The following MGAT1 variants were observed in gnomAD, a reference collection of about 807,000 sequenced individuals.
MGAT1 encodes alpha-1,3-mannosyl-glycoprotein 2-beta-N-acetylglucosaminyltransferase, also known as N-glycosyl-oligosaccharide-glycoprotein N-acetylglucosaminyltransferase I.
In MGAT1, 14 loss-of-function variants were observed where a neutral mutation model predicts 31.7. That is an observed-to-expected ratio of 0.44 (90% CI 0.29 to 0.69). The LOEUF (loss-of-function observed/expected upper bound fraction) is 0.69, where lower values mean the gene tolerates loss of function less well. Ranked by LOEUF, MGAT1 falls within the 30% of genes least tolerant of loss-of-function variation. The pLI is 0.12. For synonymous variants in MGAT1, 338 were observed against 276.0 expected (o/e 1.22, Z -2.23); for missense variants, 557 against 626.0 (o/e 0.89, Z 1.18).
intron 1 of MGAT1, among the ~76,000 whole-genome samples, chr5:180,813,912 T>A (rs1772711695): frequency 1.3e-5 from 2 of 152,154 alleles, no homozygotes; most frequent in Admixed American, 1.3e-4. Flanking sequence ...CTACCTACAG[T>A]CCCCACCAAA....
rs762037486 is a variant in MGAT1, at chr5:180,792,091, C to T, written c.881G>A (p.Arg294Gln). 6.8e-6 allele frequency: 11 copies of T among 1,613,184 alleles called. No individual in the cohort carries two copies. The highest frequency in any genetic ancestry group is 4.5e-5 in the East Asian group (2 of 44,886). The change falls in exon 2 of 2, where the codon CGG becomes CAG. Residue 294 changes from arginine to glutamine, a missense_variant. Transcript: ENST00000307826. ...PKAFWDDWMRRPEQRQGRACI... is the reference protein window; with the variant it reads ...PKAFWDDWMRQPEQRQGRACI... ...GGCCCGCCCCTGCCGCTGCTCCGGCCGCCGCATCCAGTCGTCCCAGAAGGC... is the reference window on the plus strand; with the variant it reads ...GGCCCGCCCCTGCCGCTGCTCCGGCTGCCGCATCCAGTCGTCCCAGAAGGC...
At chr5:180,793,842 GAAATAAACTT>G (rs1251613212) in intron 1 of MGAT1, among the ~76,000 whole-genome samples, 15 of 152,058 alleles carry the variant, frequency 9.9e-5, no homozygotes, top group Non-Finnish European at 1.6e-4. Context: ...AAAATATTTA[GAAATAAACTT>G]AAATAAACTT....
At chr5:180,796,172 C>A (rs1226666997) in intron 1 of MGAT1, among the ~76,000 whole-genome samples, 2 of 152,166 alleles carry the variant, frequency 1.3e-5, no homozygotes, top group East Asian at 3.8e-4. Flanking sequence ...AGGCTCTGGG[C>A]TCTCAAACCA....
chr5:180,795,577 T>A (rs1769183245), intron 1 of MGAT1: 1 of 152,160 alleles, frequency 6.6e-6, no homozygotes, highest in African/African-American at 2.4e-5. Context: ...AAACATACTC[T>A]GCACACATAG....
chr5:180,791,835 C>T lies in MGAT1; in HGVS notation c.1137G>A (p.Lys379=), dbSNP rs774984157. 2 of 1,614,262 alleles carry T rather than the reference C, an allele frequency of 1.2e-6. No individual in the cohort carries two copies. Among genetic ancestry groups the T allele is most frequent in the South Asian group, 2.2e-5 (2 of 91,088 alleles). The change falls in exon 2 of 2, where the codon AAG becomes AAA. Residue 379 remains lysine, a synonymous_variant. Transcript: ENST00000307826. ...QVEKVRTNDR[K]ELGEVRVQYT... ...ACTGCACCCGCACCTCCCCCAGCTC[C>T]TTCCGGTCATTGGTCCTCACTTTCT...
intron 1 of MGAT1, among the ~76,000 whole-genome samples, chr5:180,813,669 G>A (rs1300496495): frequency 1.3e-5 from 2 of 152,202 alleles, no homozygotes; most frequent in Non-Finnish European, 2.9e-5. Flanking sequence ...GTCATTTGGT[G>A]TGGGGTGGCC....
At chr5:180,811,075 C>T (rs1263416310) in intron 1 of MGAT1, 1 of 152,238 alleles carries the variant, frequency 6.6e-6, no homozygotes, top group South Asian at 2.1e-4. Flanking sequence ...CACGCTGAAT[C>T]CAGGGGAGCC....
intron 1 of MGAT1, among the ~76,000 whole-genome samples, chr5:180,801,009 T>C (rs1770651913): frequency 6.6e-6 from 1 of 152,194 alleles, no homozygotes; most frequent in Admixed American, 6.5e-5. Flanking sequence ...ATCTGCACCA[T>C]GGTGGGAGAT....
intron 1 of MGAT1, among the ~76,000 whole-genome samples, chr5:180,812,657 C>T (rs556586396): frequency 1.3e-5 from 2 of 152,072 alleles, no homozygotes; most frequent in South Asian, 2.1e-4. Flanking sequence ...TTCTATAATT[C>T]GAGTCAATTT....
At chr5:180,799,282 C>T (rs1770175979) in intron 1 of MGAT1, among the ~76,000 whole-genome samples, 1 of 152,190 alleles carries the variant, frequency 6.6e-6, no homozygotes, top group African/African-American at 2.4e-5. Flanking sequence ...GCACTCTGGC[C>T]TCAGCAGGCT....
chr5:180,814,539 C>T (rs1359018453), intron 1 of MGAT1, among the ~76,000 whole-genome samples: 4 of 152,218 alleles, frequency 2.6e-5, no homozygotes, highest in Admixed American at 2.6e-4. Context: ...GCCCTTGTGT[C>T]TTCTCATTTT....
chr5:180,812,256 G>A lies in MGAT1; in HGVS notation c.-546+3158C>T, dbSNP rs546286923. 6.7e-4 allele frequency among the ~76,000 whole-genome samples: 102 copies of A among 152,310 alleles called. 2 individuals are homozygous for A. Among genetic ancestry groups the A allele is most frequent in the African/African-American group, 6.0e-4 (25 of 41,562 alleles). ...ATGAACTTGAAAAGCTACTTTCACC[G>A]CAGAGTATTCCCCTTCGGGCTTCTC... On this transcript the variant is annotated intron_variant, in intron 1 of 2. Transcript: ENST00000333055.
chr5:180,792,888 G>C lies in MGAT1; in HGVS notation c.84C>G (p.Phe28Leu), dbSNP rs771614172. 1 of 1,604,152 alleles carries C rather than the reference G, an allele frequency of 6.2e-7. No individual in the cohort carries two copies. Among genetic ancestry groups the C allele is most frequent in the African/African-American group, 1.3e-5 (1 of 74,782 alleles). ...VAWNALLLLFFWTRPAPGRPP... is the reference protein window; with the variant it reads ...VAWNALLLLFLWTRPAPGRPP... ...GCCTGCCAGGTGCTGGGCGCGTCCA[G>C]AAGAAGAGGAGCAGCAGGGCATTCC... The change falls in exon 2 of 2, where the codon TTC becomes TTG. Residue 28 changes from phenylalanine (F) to leucine (L), a missense_variant. Transcript: ENST00000307826.
In MGAT1 at chr5:180,794,411, T is replaced by TTTTTTATATATATA. The variant is rs528893463; in HGVS notation, c.-126-1315_-126-1314insTATATATATAAAAA. 6.8e-3 allele frequency among the ~76,000 whole-genome samples: 960 copies of TTTTTTATATATATA among 142,016 alleles called. 8 individuals carry two copies. The highest frequency in any genetic ancestry group is 0.03 in the East Asian group (153 of 5,030). 93.2% of individuals were successfully genotyped at this position (142,016 alleles called of 152,430 possible). A position where few individuals can be genotyped will look rare whatever the true frequency, so the allele number is the denominator to read the frequency against. On this transcript the variant is annotated intron_variant, in intron 1 of 1. Transcript: ENST00000307826. ...TCTGTCTCAAAAAAATTTTTTTTTATTATATATATATATATATGGCATACT... is the reference window on the plus strand; with the variant it reads ...TCTGTCTCAAAAAAATTTTTTTTTATTTTTTATATATATATATATATATATATATATGGCATACT...
chr5:180,807,123 G>GA (rs1771980403), upstream of MGAT1, among the ~76,000 whole-genome samples: 1 of 152,168 alleles, frequency 6.6e-6, no homozygotes, highest in African/African-American at 2.4e-5. Context: ...GGGGATGGAA[G>GA]AAAAAAATTT....
intron 1 of MGAT1, among the ~76,000 whole-genome samples, chr5:180,811,893 C>G (rs912359271): frequency 6.6e-6 from 1 of 152,236 alleles, no homozygotes; most frequent in Non-Finnish European, 1.5e-5. Flanking sequence ...TTGTAAAACA[C>G]CCCTTCCAGG....
At chr5:180,799,138 T>G (rs1052874052) in intron 1 of MGAT1, among the ~76,000 whole-genome samples, 5 of 152,170 alleles carry the variant, frequency 3.3e-5, no homozygotes, top group Non-Finnish European at 4.4e-5. Flanking sequence ...TAACTTGCTT[T>G]AAAAACCATC....
Position 180,784,862 on chromosome 5 carries a change from A to T in MGAT1, c.*6772T>A, listed in dbSNP as rs1472139848. 1 of 152,272 alleles carries T rather than the reference A, an allele frequency of 6.6e-6. No homozygotes were observed. Among genetic ancestry groups the T allele is most frequent in the Non-Finnish European group, 1.5e-5 (1 of 68,052 alleles). The allele number at this position is 152,272 out of a possible 1,614,324, so 9.4% of individuals were successfully genotyped here. On this transcript the variant is annotated 3_prime_UTR_variant, in exon 2 of 2. Transcript: ENST00000307826. Reference sequence around the variant, plus strand: ...ATAAGCACATATTACTTATATACGAAAAAAGTTATTTAAAAAACAATATTC... The same window carrying T: ...ATAAGCACATATTACTTATATACGATAAAAGTTATTTAAAAAACAATATTC...
chr5:180,788,493 C>A lies in MGAT1; in HGVS notation c.*3141G>T, dbSNP rs1018855585. The A allele has an allele frequency of 2.0e-5, 3 of 152,334 alleles. No homozygotes were observed. The highest frequency in any genetic ancestry group is 7.2e-5 in the African/African-American group (3 of 41,468). The allele number at this position is 152,334 out of a possible 1,614,324, so 9.4% of individuals were successfully genotyped here. A position where few individuals can be genotyped will look rare whatever the true frequency, so the allele number is the denominator to read the frequency against. On this transcript the variant is annotated 3_prime_UTR_variant, in exon 2 of 2. Coordinates refer to ENST00000307826, the MANE Select transcript of MGAT1 (RefSeq NM_002406.4). ...GGAACAGTCCAGCCTCACACAGTGG[C>A]TAACAGCACAGAGTTCATTCCAATC...
Sources: gnomAD v4.1 joint callset for allele counts (sites outside exome capture counted in the v4.1 genomes callset) on GRCh38, gnomAD v4.1.1 for gene constraint, MANE v1.5 for transcripts, NCBI Gene and HGNC (gene_info 2026-07-23, HGNC 2026-07-21) for gene names.